GHR: variants seen among roughly 807,000 people sequenced by gnomAD.
GHR encodes the protein GH receptor.
GHR carries 35 observed loss-of-function variants against 67.1 expected under a neutral mutation model. The ratio of observed to expected loss-of-function variants is 0.52; its 90% CI spans 0.40 to 0.69. The LOEUF is 0.69. Among genes scored for constraint, GHR ranks in the 30% least tolerant of loss-of-function variants. The probability of loss-of-function intolerance (pLI) is 0.00; values close to 1 mark genes in which losing one functional copy is unlikely to be tolerated. For missense variants in GHR, 792 were observed against 764.6 expected (o/e 1.04, Z -0.42); for synonymous variants, 272 against 269.1 (o/e 1.01, Z -0.10).
chr5:42,645,121 T>G (rs946313096), intron 3 of GHR, among the ~76,000 whole-genome samples: 1 of 152,218 alleles, frequency 6.6e-6, no homozygotes, highest in Non-Finnish European at 1.5e-5. Context: ...AACTGGATAT[T>G]GAATGAGTTG....
At chr5:42,713,359 G>A in intron 7 of GHR, 70 bp from the exon 8 acceptor site, 1 of 762,274 alleles carries the variant, frequency 1.3e-6, no homozygotes, top group Non-Finnish European at 2.4e-6. Flanking sequence ...TTGTGAAAAG[G>A]GAAAGGGAAA....
intron 3 of GHR, among the ~76,000 whole-genome samples, chr5:42,677,466 T>A (rs967442265): frequency 1.3e-5 from 2 of 152,170 alleles, no homozygotes; most frequent in South Asian, 4.1e-4. Flanking sequence ...TTTTTTTAAT[T>A]TAACACTAAT....
intron 1 of GHR, among the ~76,000 whole-genome samples, chr5:42,512,677 C>T (rs1747068750): frequency 6.6e-6 from 1 of 152,156 alleles, no homozygotes; most frequent in Non-Finnish European, 1.5e-5. Context: ...TTCTTTTCAG[C>T]AATGCTTACA....
At chr5:42,454,395 G>T (rs950253007) in intron 1 of GHR, among the ~76,000 whole-genome samples, 2 of 152,222 alleles carry the variant, frequency 1.3e-5, no homozygotes, top group Admixed American at 1.3e-4. Context: ...ATTGTCATGA[G>T]TATGGCCTGA....
chr5:42,574,217 A>G (rs1265700495), intron 2 of GHR, among the ~76,000 whole-genome samples: 1 of 152,254 alleles, frequency 6.6e-6, no homozygotes, highest in Non-Finnish European at 1.5e-5. Flanking sequence ...CAGGAGAAAG[A>G]CAGTCAGTTG....
intron 3 of GHR, among the ~76,000 whole-genome samples, chr5:42,682,267 A>T (rs1756922090): frequency 1.3e-5 from 2 of 152,314 alleles, no homozygotes; most frequent in Admixed American, 1.3e-4. Context: ...TAATTGCAAC[A>T]TTCCTTTCAG....
In GHR at chr5:42,682,628, C is replaced by T. The variant is rs139039806; in HGVS notation, c.137-6262C>T. Among the ~76,000 whole-genome samples, 396 of 152,272 alleles carry T rather than the reference C, an allele frequency of 2.6e-3. 3 individuals are homozygous for T. The highest frequency in any genetic ancestry group is 8.7e-3 in the African/African-American group (361 of 41,566). On this transcript the variant is annotated intron_variant, in intron 3 of 9. Coordinates refer to ENST00000230882, the MANE Select transcript of GHR (RefSeq NM_000163.5). ...AGGATGTGATTAAGGAGAAACTAAA[C>T]GGCCAGGCACAATATAGTTCTTCTT...
At chr5:42,430,666 G>A (rs190554641) in intron 1 of GHR, among the ~76,000 whole-genome samples, 1 of 149,204 alleles carries the variant, frequency 6.7e-6, no homozygotes, top group East Asian at 2.0e-4. Flanking sequence ...TTTATCCCCA[G>A]CATTATGGTC....
chr5:42,560,693 T>TAA (rs1749557508), intron 1 of GHR, among the ~76,000 whole-genome samples: 1 of 152,136 alleles, frequency 6.6e-6, no homozygotes, highest in Non-Finnish European at 1.5e-5. Flanking sequence ...CCAAAAGTCT[T>TAA]GTAATTGCCT....
chr5:42,667,228 C>CCCAGGAAGAT (rs1447462922), intron 3 of GHR, among the ~76,000 whole-genome samples: 1 of 152,122 alleles, frequency 6.6e-6, no homozygotes. Flanking sequence ...GGAAGATCAC[C>CCCAGGAAGAT]CACAAGAGTG....
At chr5:42,434,785 C>T (rs931119307) in intron 1 of GHR, among the ~76,000 whole-genome samples, 13 of 152,204 alleles carry the variant, frequency 8.5e-5, no homozygotes, top group African/African-American at 3.1e-4. Flanking sequence ...TGGGAACACA[C>T]ACAGATTCAC....
intron 2 of GHR, among the ~76,000 whole-genome samples, chr5:42,605,563 A>G (rs2112650518): frequency 6.6e-6 from 1 of 152,278 alleles, no homozygotes; most frequent in South Asian, 2.1e-4. Flanking sequence ...TGAGTGGTCC[A>G]TCTTCCTCTC....
chr5:42,605,710 G>A (rs887689514), intron 2 of GHR, among the ~76,000 whole-genome samples: 4 of 152,162 alleles, frequency 2.6e-5, no homozygotes, highest in Admixed American at 6.5e-5. Flanking sequence ...TCAAATGGCA[G>A]GTCTCATTAG....
chr5:42,454,153 T>G (rs774841038), intron 1 of GHR, among the ~76,000 whole-genome samples: 1 of 152,200 alleles, frequency 6.6e-6, no homozygotes, highest in Non-Finnish European at 1.5e-5. Context: ...CTGATCAGTC[T>G]TCAGGTCTCC....
intron 2 of GHR, among the ~76,000 whole-genome samples, chr5:42,576,090 AAAATAAAAT>A (rs1485185145): frequency 0.038 from 3,420 of 89,366 alleles, 86 homozygotes; most frequent in Non-Finnish European, 0.057. Flanking sequence ...AAAATAAAAT[AAAATAAAAT>A]AAATAAAATA....
chr5:42,641,793 T>C (rs1404325599), intron 3 of GHR, among the ~76,000 whole-genome samples: 2 of 152,190 alleles, frequency 1.3e-5, no homozygotes, highest in East Asian at 3.9e-4. Context: ...TTGTAGAGTA[T>C]AGTCAGCCTC....
chr5:42,542,983 G>A (rs1579907811), intron 1 of GHR, among the ~76,000 whole-genome samples: 1 of 152,222 alleles, frequency 6.6e-6, no homozygotes, highest in Non-Finnish European at 1.5e-5. Context: ...TTTTATGGCT[G>A]AGTAGTATTC....
intron 1 of GHR, among the ~76,000 whole-genome samples, chr5:42,504,145 C>A (rs924477733): frequency 3.9e-5 from 6 of 152,058 alleles, no homozygotes; most frequent in Admixed American, 1.3e-4. Flanking sequence ...AGTTATCCTG[C>A]AAAGCTTATC....
In GHR at chr5:42,433,732, A is replaced by ATTTT. The variant is rs35539827; in HGVS notation, c.-12+9798_-12+9801dup. ...CCTGAGCCAGTACTTAAGATATGGTATTTTTTTTTTTTTTTTTTTTTTTTG... is the reference window on the plus strand; with the variant it reads ...CCTGAGCCAGTACTTAAGATATGGTATTTTTTTTTTTTTTTTTTTTTTTTTTTTG... On this transcript the variant is annotated intron_variant, in intron 1 of 9. Transcript: ENST00000230882. 6.1e-4 allele frequency among the ~76,000 whole-genome samples: 47 copies of ATTTT among 77,590 alleles called. 2 individuals are homozygous for ATTTT. Among genetic ancestry groups the ATTTT allele is most frequent in the Non-Finnish European group, 8.8e-4 (37 of 42,220 alleles). 50.9% of individuals were successfully genotyped at this position (77,590 alleles called of 152,430 possible). A position where few individuals can be genotyped will look rare whatever the true frequency, so the allele number is the denominator to read the frequency against.
Sources: allele counts gnomAD v4.1 joint callset (sites outside exome capture counted in the v4.1 genomes callset), GRCh38; gene constraint gnomAD v4.1.1; transcripts MANE v1.5; gene names NCBI Gene and HGNC (gene_info 2026-07-23, HGNC 2026-07-21).